VPS54: variants seen among roughly 807,000 people sequenced by gnomAD.
The protein encoded by VPS54 is vacuolar protein sorting-associated protein 54.
VPS54 carries 45 observed loss-of-function variants against 121.5 expected under a neutral mutation model. The observed-to-expected ratio is 0.37, with a 90% CI of 0.29 to 0.47. The LOEUF is 0.47. Among genes scored for constraint, VPS54 ranks in the 20% least tolerant of loss-of-function variants. The probability of loss-of-function intolerance (pLI) is 0.99; values close to 1 mark genes in which losing one functional copy is unlikely to be tolerated. For missense variants in VPS54, 1,090 were observed against 1,131.4 expected (o/e 0.96, Z 0.52); for synonymous variants, 371 against 385.8 (o/e 0.96, Z 0.45).
At chr2:64,018,102 C>A (rs1309281262) in intron 1 of VPS54, among the ~76,000 whole-genome samples, 1 of 152,116 alleles carries the variant, frequency 6.6e-6, no homozygotes. Flanking sequence ...TAATTTATCA[C>A]GGTATTACTT....
intron 1 of VPS54, among the ~76,000 whole-genome samples, chr2:63,996,509 C>T (rs1350707237): frequency 6.6e-6 from 1 of 152,114 alleles, no homozygotes. Context: ...AACAGGATAA[C>T]AGCGATGTTC....
At chr2:63,975,822 T>A (rs1182844954) in intron 3 of VPS54, among the ~76,000 whole-genome samples, 1 of 152,316 alleles carries the variant, frequency 6.6e-6, no homozygotes. Context: ...CCTGTCTCAA[T>A]AAATCAGCTG....
intron 4 of VPS54, among the ~76,000 whole-genome samples, chr2:63,971,034 C>T (rs1035054820): frequency 2.0e-5 from 3 of 152,158 alleles, no homozygotes; most frequent in Non-Finnish European, 4.4e-5. Context: ...CAAAATTCCT[C>T]CTCCTATATT....
At chr2:63,897,738 T>C (rs1672504718) in intron 21 of VPS54, 148 bp from the exon 22 acceptor site, 2 of 525,756 alleles carry the variant, frequency 3.8e-6, no homozygotes. Flanking sequence ...AAGTATTCTA[T>C]TGCTATTTCA....
At chr2:63,921,805 T>C (rs1312892797) in intron 12 of VPS54, among the ~76,000 whole-genome samples, 5 of 152,198 alleles carry the variant, frequency 3.3e-5, no homozygotes, top group Admixed American at 6.5e-5. Flanking sequence ...TGTCATAACC[T>C]TAAATAAGAA....
intron 12 of VPS54, among the ~76,000 whole-genome samples, chr2:63,925,233 T>TA (rs1287874662): frequency 2.6e-5 from 4 of 152,210 alleles, no homozygotes; most frequent in Admixed American, 2.6e-4. Flanking sequence ...GGTAAAGGCC[T>TA]TGAATAGGCA....
At position 63,920,030 on chromosome 2, in the gene VPS54, TA is replaced by T. The variant is rs746312948; in HGVS notation, c.2052-36del. 16 of 1,545,396 alleles carry T rather than the reference TA, an allele frequency of 1.0e-5. No homozygotes were observed. In the African/African-American group the frequency reaches 1.5e-4, roughly 15 times the overall value. On this transcript the variant is annotated intron_variant, in intron 14 of 22. Transcript: ENST00000272322. Reference sequence around the variant, plus strand: ...AGTAAGGAGAAAAGAAGGTAAACTTTAACATTTCAATACCATCTTCCTTGGT... The same window carrying T: ...AGTAAGGAGAAAAGAAGGTAAACTTTACATTTCAATACCATCTTCCTTGGT...
At chr2:64,001,418 A>G (rs986630625) in intron 1 of VPS54, among the ~76,000 whole-genome samples, 10 of 152,024 alleles carry the variant, frequency 6.6e-5, no homozygotes, top group African/African-American at 2.4e-4. Context: ...TTATTTTTCC[A>G]TCTGCTTTTC....
intron 7 of VPS54, among the ~76,000 whole-genome samples, chr2:63,955,176 G>A (rs989619360): frequency 2.6e-5 from 4 of 151,848 alleles, no homozygotes; most frequent in African/African-American, 9.7e-5. Flanking sequence ...ACTTTGCTTT[G>A]CATTGACAAC....
intron 7 of VPS54, among the ~76,000 whole-genome samples, chr2:63,949,463 T>TA (rs1675138368): frequency 6.6e-6 from 1 of 152,170 alleles, no homozygotes; most frequent in Non-Finnish European, 1.5e-5. Context: ...ACTAATAGCT[T>TA]ATGTTGACCA....
intron 22 of VPS54, among the ~76,000 whole-genome samples, chr2:63,896,244 T>C (rs1672440470): frequency 6.6e-6 from 1 of 152,156 alleles, no homozygotes; most frequent in Non-Finnish European, 1.5e-5. Context: ...GGTATTACGG[T>C]TGTATAAAAA....
intron 1 of VPS54, among the ~76,000 whole-genome samples, chr2:63,985,680 TACAC>T (rs3079061): frequency 0.091 from 13,179 of 144,928 alleles, 899 homozygotes; most frequent in African/African-American, 0.2. Context: ...TGACAAATTA[TACAC>T]ACACACACAC....
intron 1 of VPS54, among the ~76,000 whole-genome samples, chr2:64,012,455 TAAAAAAAAAAAA>T (rs11316408): frequency 9.0e-6 from 1 of 111,566 alleles, no homozygotes; most frequent in South Asian, 2.8e-4. Context: ...AGTAACTGTT[TAAAAAAAAAAAA>T]AAAAAAAAAG....
At chr2:64,011,327 G>A (rs998842926) in intron 1 of VPS54, among the ~76,000 whole-genome samples, 3 of 152,136 alleles carry the variant, frequency 2.0e-5, no homozygotes, top group African/African-American at 7.2e-5. Flanking sequence ...CAGCACTTTG[G>A]GAGGCTGAGG....
At chr2:63,929,623 A>C (rs889590985) in intron 12 of VPS54, among the ~76,000 whole-genome samples, 1 of 152,144 alleles carries the variant, frequency 6.6e-6, no homozygotes, top group Non-Finnish European at 1.5e-5. Context: ...AGCAAGAGCA[A>C]ACACATTCAA....
chr2:63,918,531 G>A (rs539638443), intron 15 of VPS54, among the ~76,000 whole-genome samples: 1 of 152,000 alleles, frequency 6.6e-6, no homozygotes, highest in Admixed American at 6.6e-5. Context: ...CTTTAGTTGT[G>A]CCAATATCAT....
intron 12 of VPS54, among the ~76,000 whole-genome samples, chr2:63,929,270 G>C (rs1355780639): frequency 1.3e-5 from 2 of 152,018 alleles, no homozygotes; most frequent in African/African-American, 4.8e-5. Flanking sequence ...TCGAACTAAA[G>C]CACTCCTCAG....
At chr2:63,964,323 T>G (rs554929993) in intron 6 of VPS54, among the ~76,000 whole-genome samples, 2 of 152,336 alleles carry the variant, frequency 1.3e-5, no homozygotes, top group Admixed American at 1.3e-4. Flanking sequence ...CTCAAAGATT[T>G]TTTGAATTTT....
chr2:63,933,832 A>G lies in VPS54; in HGVS notation c.1580T>C (p.Leu527Pro), dbSNP rs774317416. Residue 527 changes from leucine (L) to proline (P), a missense_variant, in exon 12 of 23, where the codon CTA (leucine) becomes CCA (proline). Physicochemically the swap from Leu to Pro is moderately conservative, Grantham distance 98 (BLOSUM62 -3). Around this residue, in one of 2 missense-constraint regions of VPS54, gnomAD observed 801 missense variants for 757.0 expected, o/e 1.06. Coordinates refer to ENST00000272322, the MANE Select transcript of VPS54 (RefSeq NM_016516.3). ...FISDAFGEGE[L>P]TPIAVDTTSQ... ...GGTAGTGTCAACTGCTATAGGTGTT[A>G]GCTCACCCTCACCGAATGCATCACT... The G allele has an allele frequency of 6.2e-7, 1 of 1,613,882 alleles. No homozygotes were observed. Among genetic ancestry groups the G allele is most frequent in the South Asian group, 1.1e-5 (1 of 91,072 alleles).
Sources: allele counts gnomAD v4.1 joint callset (sites outside exome capture counted in the v4.1 genomes callset), GRCh38; gene constraint gnomAD v4.1.1; regional missense constraint gnomAD v4.1.1; transcripts MANE v1.5; gene names NCBI Gene and HGNC (gene_info 2026-07-23, HGNC 2026-07-21).